The following KLF12 variants were observed in gnomAD, a reference collection of about 807,000 sequenced individuals.
KLF12 encodes the protein KLF transcription factor 12, also known as Krueppel-like factor 12.
In KLF12, 9 loss-of-function variants were observed where a neutral mutation model predicts 37.8. The ratio of observed to expected loss-of-function variants is 0.24; its 90% CI spans 0.14 to 0.42. The LOEUF is 0.42. Ranked by LOEUF, KLF12 falls within the 10% of genes least tolerant of loss-of-function variation. The pLI is 1.00. For synonymous variants in KLF12, 208 were observed against 202.1 expected (o/e 1.03, Z -0.25); for missense variants, 411 against 516.0 (o/e 0.80, Z 1.97).
chr13:74,037,999 G>T (rs984479478), intron 1 of KLF12, among the ~76,000 whole-genome samples: 9 of 152,182 alleles, frequency 5.9e-5, no homozygotes, highest in Non-Finnish European at 1.2e-4. Context: ...ACATACACAA[G>T]ATCTGTTATC....
chr13:73,958,832 A>G (rs896097299), intron 2 of KLF12, among the ~76,000 whole-genome samples: 2 of 151,896 alleles, frequency 1.3e-5, no homozygotes, highest in African/African-American at 4.8e-5. Flanking sequence ...GAAGCTAGAG[A>G]TGTTAAAAGT....
chr13:73,929,079 G>A (rs929561688), intron 3 of KLF12, among the ~76,000 whole-genome samples: 2 of 152,160 alleles, frequency 1.3e-5, no homozygotes, highest in African/African-American at 4.8e-5. Context: ...AAACTGAGAA[G>A]AGAATTAATC....
At chr13:74,241,233 G>T in the KLF12 span, among the ~76,000 whole-genome samples, 3 of 148,044 alleles carry the variant, frequency 2.0e-5, no homozygotes, top group African/African-American at 8.0e-5. Flanking sequence ...CCTGCTGGGG[G>T]GTGCCTCCCA....
chr13:74,147,495 T>C, the KLF12 span, among the ~76,000 whole-genome samples: 5 of 152,210 alleles, frequency 3.3e-5, no homozygotes, highest in African/African-American at 9.7e-5. Flanking sequence ...TAGTGTACAG[T>C]GGTTTCCCAA....
At chr13:73,897,225 A>AACAG (rs2139059210) in intron 3 of KLF12, among the ~76,000 whole-genome samples, 2 of 152,342 alleles carry the variant, frequency 1.3e-5, no homozygotes, top group African/African-American at 4.8e-5. Flanking sequence ...CTCAAATGAA[A>AACAG]ACAGTTCACT....
Position 73,813,306 on chromosome 13 carries a change from T to A in KLF12, c.671-19A>T. 1 of 1,613,458 alleles carries A rather than the reference T, an allele frequency of 6.2e-7. No homozygotes were observed. Among genetic ancestry groups the A allele is most frequent in the Non-Finnish European group, 8.5e-7 (1 of 1,179,576 alleles). On this transcript the variant is annotated intron_variant, in intron 4 of 7. Coordinates refer to ENST00000377669, the MANE Select transcript of KLF12 (RefSeq NM_007249.5). ...ATTTGTGCTGGAGAGAAAAGGCATA[T>A]ATAATGAATTAAAATCAGTGCGCAG...
the KLF12 span, among the ~76,000 whole-genome samples, chr13:74,176,958 T>C: frequency 6.6e-6 from 1 of 152,214 alleles, no homozygotes; most frequent in Non-Finnish European, 1.5e-5. Flanking sequence ...CCTCTCACCA[T>C]TGTAGAAATG....
chr13:73,859,988 C>T (rs964857523), intron 3 of KLF12, among the ~76,000 whole-genome samples: 2 of 152,082 alleles, frequency 1.3e-5, no homozygotes, highest in Middle Eastern at 3.2e-3. Flanking sequence ...GATGAGTGCT[C>T]TTTGATAAAA....
intron 4 of KLF12, among the ~76,000 whole-genome samples, chr13:73,831,372 T>C (rs1236015352): frequency 2.0e-5 from 3 of 152,110 alleles, no homozygotes; most frequent in Admixed American, 1.3e-4. Flanking sequence ...GGCTTAAAGA[T>C]AACATATGTA....
intron 6 of KLF12, among the ~76,000 whole-genome samples, chr13:73,748,280 T>G (rs746906955): frequency 6.6e-6 from 1 of 152,178 alleles, no homozygotes; most frequent in East Asian, 1.9e-4. Context: ...GGTATTTTAA[T>G]AAAAATAATA....
At chr13:73,934,665 T>C (rs1018214259) in intron 3 of KLF12, among the ~76,000 whole-genome samples, 2 of 152,152 alleles carry the variant, frequency 1.3e-5, no homozygotes, top group African/African-American at 4.8e-5. Flanking sequence ...CTTTATTACT[T>C]GTTTCTAGCA....
At chr13:74,137,655 C>T (rs1878597655), upstream of KLF12, among the ~76,000 whole-genome samples, 1 of 152,178 alleles carries the variant, frequency 6.6e-6, no homozygotes, top group Admixed American at 6.5e-5. Flanking sequence ...GTAAGTGTTA[C>T]CTGCCCACAA....
chr13:74,033,801 G>A (rs1854057797), intron 1 of KLF12, among the ~76,000 whole-genome samples: 1 of 151,934 alleles, frequency 6.6e-6, no homozygotes, highest in Admixed American at 6.6e-5. Flanking sequence ...TATATTCCTA[G>A]AAGTAAAATT....
chr13:73,752,165 T>G (rs1469992299), intron 6 of KLF12, among the ~76,000 whole-genome samples: 1 of 152,066 alleles, frequency 6.6e-6, no homozygotes, highest in African/African-American at 2.4e-5. Context: ...GTATTTTTTG[T>G]AGAGATGGGG....
At chr13:74,281,354 C>T in the KLF12 span, among the ~76,000 whole-genome samples, 2,610 of 152,096 alleles carry the variant, frequency 0.017, 88 homozygotes, top group African/African-American at 0.06. Context: ...CTCTTTCCCG[C>T]AAAACCTTGA....
chr13:74,230,471 AGG>A, the KLF12 span, among the ~76,000 whole-genome samples: 1 of 152,180 alleles, frequency 6.6e-6, no homozygotes. Context: ...AATAAATAAT[AGG>A]TATAATTGTG....
At chr13:74,114,801 T>C (rs539038988) in intron 1 of KLF12, among the ~76,000 whole-genome samples, 2 of 152,216 alleles carry the variant, frequency 1.3e-5, no homozygotes, top group African/African-American at 4.8e-5. Flanking sequence ...CATACACATG[T>C]CCCCCTCCCT....
the KLF12 span, among the ~76,000 whole-genome samples, chr13:74,218,721 C>G: frequency 6.6e-6 from 1 of 151,982 alleles, no homozygotes; most frequent in East Asian, 1.9e-4. Flanking sequence ...CATGGCCTAA[C>G]CAAATGAGAT....
chr13:74,175,384 A>G, the KLF12 span, among the ~76,000 whole-genome samples: 4 of 152,224 alleles, frequency 2.6e-5, no homozygotes, highest in Non-Finnish European at 5.9e-5. Flanking sequence ...GAAATGTACT[A>G]TCCAAACTTC....
Sources: gnomAD v4.1 joint callset for allele counts (sites outside exome capture counted in the v4.1 genomes callset) on GRCh38, gnomAD v4.1.1 for gene constraint, MANE v1.5 for transcripts, NCBI Gene and HGNC (gene_info 2026-07-23, HGNC 2026-07-21) for gene names.